The following H6PD variants were observed in gnomAD, a reference collection of about 807,000 sequenced individuals.
H6PD encodes hexose-6-phosphate dehydrogenase/glucose 1-dehydrogenase, also known as GDH/6PGL endoplasmic bifunctional protein.
Under a neutral mutation model 61.2 loss-of-function variants are expected in H6PD, and 48 were observed. That is an observed-to-expected ratio of 0.78 (90% confidence interval 0.62 to 1.00). H6PD has a LOEUF of 1.00. Ranked by LOEUF, H6PD falls within the 50% of genes least tolerant of loss-of-function variation. H6PD has a pLI of 0.00. For missense variants in H6PD, 1,093 were observed against 1,065.0 expected (o/e 1.03, Z -0.37); for synonymous variants, 480 against 457.9 (o/e 1.05, Z -0.62).
chr1:9,247,848 C>T (rs996724067), intron 3 of H6PD, among the ~76,000 whole-genome samples: 3 of 152,242 alleles, frequency 2.0e-5, no homozygotes, highest in Non-Finnish European at 4.4e-5. Flanking sequence ...AGCTGGCATT[C>T]TGTGATGGTA....
chr1:9,249,864 G>GC (rs1641304853), intron 3 of H6PD, among the ~76,000 whole-genome samples: 2 of 152,200 alleles, frequency 1.3e-5, no homozygotes, highest in Non-Finnish European at 2.9e-5. Context: ...GCTGAGCCCA[G>GC]CCCCCCAGCA....
At chr1:9,262,603 G>A (rs987394149) in intron 4 of H6PD, among the ~76,000 whole-genome samples, 3 of 152,192 alleles carry the variant, frequency 2.0e-5, no homozygotes, top group Admixed American at 6.5e-5. Flanking sequence ...AGGGTTTGTC[G>A]TGCGAGGCTC....
chr1:9,259,054 C>T (rs920400081), intron 3 of H6PD, among the ~76,000 whole-genome samples: 8 of 152,110 alleles, frequency 5.3e-5, no homozygotes, highest in East Asian at 1.9e-4. Context: ...TGTAGTGGTG[C>T]GATCTCAGCT....
At chr1:9,253,352 C>T (rs1037759234) in intron 3 of H6PD, among the ~76,000 whole-genome samples, 3 of 152,202 alleles carry the variant, frequency 2.0e-5, no homozygotes, top group Non-Finnish European at 4.4e-5. Flanking sequence ...CTTAGGGATT[C>T]GCTACATTAA....
At chr1:9,238,377 A>C (rs919918712) in intron 1 of H6PD, among the ~76,000 whole-genome samples, 1 of 152,238 alleles carries the variant, frequency 6.6e-6, no homozygotes, top group Non-Finnish European at 1.5e-5. Flanking sequence ...GGTCACTCTG[A>C]CTGCCGTGTT....
At position 9,268,360 on chromosome 1, in the gene H6PD, T is replaced by G. The variant is rs968598870; in HGVS notation, c.*3491T>G. Reference sequence around the variant, plus strand: ...AGGCAGGCTGTTTGCCTCTTCCTGGTCTGGAAGCCCTTGGGTCCTATGGTG... The same window carrying G: ...AGGCAGGCTGTTTGCCTCTTCCTGGGCTGGAAGCCCTTGGGTCCTATGGTG... On this transcript the variant is annotated 3_prime_UTR_variant, in exon 5 of 5. Transcript: ENST00000377403. 6.6e-6 allele frequency: 1 copy of G among 152,158 alleles called. No individual in the cohort carries two copies. The highest frequency in any genetic ancestry group is 1.5e-5 in the Non-Finnish European group (1 of 68,060). 9.4% of individuals were successfully genotyped at this position (152,158 alleles called of 1,614,324 possible).
chr1:9,262,229 GGCA>G lies in H6PD; in HGVS notation c.918_920del (p.Ser307del), dbSNP rs1557749216. The G allele has an allele frequency of 6.2e-7, 1 of 1,613,816 alleles. No homozygotes were observed. The highest frequency in any genetic ancestry group is 1.7e-5 in the Admixed American group (1 of 59,978). On this transcript the variant is annotated inframe_deletion, in exon 4 of 5. Transcript: ENST00000377403. ...CCAGGCGCTGCGGGGCCTGCAGAGG[GGCA>G]GTGCCGTCGTGGGCCAGTACCAGTC...
chr1:9,248,993 C>T lies in H6PD; in HGVS notation c.745+1910C>T, dbSNP rs1360101319. 2.6e-5 allele frequency among the ~76,000 whole-genome samples: 4 copies of T among 152,358 alleles called. No homozygotes were observed. In the East Asian group the frequency reaches 5.8e-4, roughly 22 times the overall value. On this transcript the variant is annotated intron_variant, in intron 3 of 4. Transcript: ENST00000377403. The stretch of plus-strand genomic sequence containing the variant: ...TCATCTTCAGAGAAGTGAGCTGCAC[C>T]TGGTGCAGAGAGCCTAGAGCAGAAT...
At chr1:9,259,769 T>G (rs1006799081) in intron 3 of H6PD, among the ~76,000 whole-genome samples, 3 of 152,168 alleles carry the variant, frequency 2.0e-5, no homozygotes, top group African/African-American at 7.2e-5. Flanking sequence ...ACACTGGTGT[T>G]ACATTGTTGT....
At chr1:9,259,070 C>T (rs916951294) in intron 3 of H6PD, among the ~76,000 whole-genome samples, 1 of 152,202 alleles carries the variant, frequency 6.6e-6, no homozygotes, top group Non-Finnish European at 1.5e-5. Context: ...CAGCTCACTG[C>T]AAGCTCTGCC....
intron 3 of H6PD, among the ~76,000 whole-genome samples, chr1:9,259,292 C>T (rs1009115073): frequency 4.6e-5 from 7 of 151,540 alleles, no homozygotes; most frequent in East Asian, 2.0e-4. Flanking sequence ...CTGGCCACAC[C>T]GGTGTTGTTA....
rs1641219328 is a variant in H6PD, at chr1:9,247,498, C to CT, written c.745+417dup. ...CCCTCACCTTCTGACCCCTCTCTCGCTTGTTAGTTCTCAGCTCCATGGCCC... is the reference window on the plus strand; with the variant it reads ...CCCTCACCTTCTGACCCCTCTCTCGCTTTGTTAGTTCTCAGCTCCATGGCCC... On this transcript the variant is annotated intron_variant, in intron 3 of 4. Coordinates refer to ENST00000377403, the MANE Select transcript of H6PD (RefSeq NM_004285.4). Among the ~76,000 whole-genome samples the CT allele has an allele frequency of 2.6e-5, 4 of 152,228 alleles. No homozygotes were observed. The South Asian group carries it at 8.3e-4, about 32-fold the overall frequency.
At chr1:9,250,176 C>T (rs1341123638) in intron 3 of H6PD, among the ~76,000 whole-genome samples, 1 of 152,180 alleles carries the variant, frequency 6.6e-6, no homozygotes, top group Non-Finnish European at 1.5e-5. Flanking sequence ...GCCTAGGCTG[C>T]CACTGCTGTC....
intron 3 of H6PD, among the ~76,000 whole-genome samples, chr1:9,259,815 GTGTTATGT>G: frequency 8.0e-6 from 1 of 124,440 alleles, no homozygotes; most frequent in South Asian, 2.7e-4. Flanking sequence ...TGTTACGGTG[GTGTTATGT>G]TGTTATGCTG....
Position 9,267,434 on chromosome 1 carries a change from C to G in H6PD, c.*2565C>G, listed in dbSNP as rs1394648470. On this transcript the variant is annotated 3_prime_UTR_variant, in exon 5 of 5. Coordinates refer to ENST00000377403, the MANE Select transcript of H6PD (RefSeq NM_004285.4). Reference sequence around the variant, plus strand: ...TCAGGAACCGACTCCTCTCCAGTTGCAACACCAGGGAGAAAGGGGCCTCCA... The same window carrying G: ...TCAGGAACCGACTCCTCTCCAGTTGGAACACCAGGGAGAAAGGGGCCTCCA... The G allele has an allele frequency of 6.6e-6, 1 of 152,298 alleles. No homozygotes were observed. The highest frequency in any genetic ancestry group is 1.5e-5 in the Non-Finnish European group (1 of 68,088). The allele number at this position is 152,298 out of a possible 1,614,324, so 9.4% of individuals were successfully genotyped here. A position where few individuals can be genotyped will look rare whatever the true frequency, so the allele number is the denominator to read the frequency against.
intron 3 of H6PD, among the ~76,000 whole-genome samples, chr1:9,251,389 G>A (rs1336713888): frequency 6.6e-6 from 1 of 152,164 alleles, no homozygotes; most frequent in Non-Finnish European, 1.5e-5. Context: ...ACGCACTCAG[G>A]GCCAGTCTCC....
intron 3 of H6PD, among the ~76,000 whole-genome samples, chr1:9,248,274 C>T (rs1164776333): frequency 6.6e-6 from 1 of 152,256 alleles, no homozygotes; most frequent in Non-Finnish European, 1.5e-5. Context: ...TTCTCTCTCC[C>T]TTGCTCTTTC....
chr1:9,260,829 A>C (rs1638243992), intron 3 of H6PD, among the ~76,000 whole-genome samples: 1 of 151,424 alleles, frequency 6.6e-6, no homozygotes, highest in South Asian at 2.1e-4. Context: ...ACAACTGGAC[A>C]TCTGCGCCTG....
In H6PD at chr1:9,262,060, C is replaced by T. The variant is rs768742304; in HGVS notation, c.747C>T (p.Gly249=). Residue 249 remains glycine (G), a splice_region_variant and synonymous_variant, in exon 4 of 5, where the codon GGC becomes GGT. Coordinates refer to ENST00000377403, the MANE Select transcript of H6PD (RefSeq NM_004285.4). The part of the protein sequence containing the change: ...IIMKETVDAE[G]RTSFYEEYGV... ...CACTTCTCCACCTCCCTCCACCAGG[C>T]CGCACCAGCTTCTATGAGGAGTACG... 2.4e-5 allele frequency: 38 copies of T among 1,614,158 alleles called. No individual in the cohort carries two copies. The highest frequency in any genetic ancestry group is 3.2e-5 in the Non-Finnish European group (38 of 1,179,970).
Sources: gnomAD v4.1 joint callset for allele counts (sites outside exome capture counted in the v4.1 genomes callset) on GRCh38, gnomAD v4.1.1 for gene constraint, MANE v1.5 for transcripts, NCBI Gene and HGNC (gene_info 2026-07-23, HGNC 2026-07-21) for gene names.